The following TMTC2 variants were observed in gnomAD, a reference collection of about 807,000 sequenced individuals.
TMTC2 encodes protein O-mannosyl-transferase TMTC2.
Under a neutral mutation model 82.4 loss-of-function variants are expected in TMTC2, and 43 were observed. That is an observed-to-expected ratio of 0.52 (90% CI 0.41 to 0.67). The LOEUF is 0.67. Among genes scored for constraint, TMTC2 ranks in the 30% least tolerant of loss-of-function variants. The probability of loss-of-function intolerance (pLI) is 0.00; values close to 1 mark genes in which losing one functional copy is unlikely to be tolerated. For synonymous variants in TMTC2, 408 were observed against 381.9 expected (o/e 1.07, Z -0.80); for missense variants, 919 against 1,012.4 (o/e 0.91, Z 1.25).
chr12:82,706,341 AAGGAT>A (rs1873355629), intron 1 of TMTC2, among the ~76,000 whole-genome samples: 1 of 150,506 alleles, frequency 6.6e-6, no homozygotes, highest in Non-Finnish European at 1.5e-5. Context: ...AAAAAAAAAA[AAGGAT>A]GAGAGAGAGG....
At chr12:82,894,549 C>G (rs1488159800) in intron 2 of TMTC2, among the ~76,000 whole-genome samples, 1 of 152,156 alleles carries the variant, frequency 6.6e-6, no homozygotes, top group Admixed American at 6.5e-5. Context: ...TAAGACAATT[C>G]TATACAACGC....
intron 3 of TMTC2, among the ~76,000 whole-genome samples, chr12:82,911,120 G>T (rs965587323): frequency 3.3e-5 from 5 of 152,078 alleles, no homozygotes; most frequent in Admixed American, 6.5e-5. Flanking sequence ...GACCTTGTGA[G>T]CCACCCACCT....
intron 1 of TMTC2, among the ~76,000 whole-genome samples, chr12:82,720,417 A>T (rs1012637994): frequency 2.6e-5 from 4 of 152,174 alleles, no homozygotes; most frequent in Non-Finnish European, 4.4e-5. Context: ...ATAGCCAAAT[A>T]CAATTCCATT....
intron 2 of TMTC2, among the ~76,000 whole-genome samples, chr12:82,884,985 C>G (rs888284127): frequency 6.6e-6 from 1 of 152,106 alleles, no homozygotes; most frequent in Non-Finnish European, 1.5e-5. Flanking sequence ...CCTCAACCTC[C>G]CAGACTCACG....
chr12:82,909,144 T>G (rs1213185466), intron 3 of TMTC2, among the ~76,000 whole-genome samples: 1 of 152,176 alleles, frequency 6.6e-6, no homozygotes, highest in African/African-American at 2.4e-5. Context: ...TTAAATTTTT[T>G]TGTTGCTAGT....
intron 4 of TMTC2, among the ~76,000 whole-genome samples, chr12:82,955,923 A>T (rs1877588532): frequency 6.6e-6 from 1 of 151,268 alleles, no homozygotes; most frequent in South Asian, 2.1e-4. Context: ...GACTGGAAAT[A>T]TTTTTTTTTC....
chr12:82,735,410 A>G (rs1294807822), intron 1 of TMTC2, among the ~76,000 whole-genome samples: 1 of 150,772 alleles, frequency 6.6e-6, no homozygotes, highest in Non-Finnish European at 1.5e-5. Flanking sequence ...CAGTGGCGCG[A>G]TCTCGGCTCA....
chr12:83,082,155 G>C (rs1346062536), intron 11 of TMTC2, among the ~76,000 whole-genome samples: 2 of 152,202 alleles, frequency 1.3e-5, no homozygotes, highest in Non-Finnish European at 2.9e-5. Flanking sequence ...TGATGTTTAT[G>C]TAGTAGAAAC....
At chr12:82,764,010 G>C (rs1452137355) in intron 1 of TMTC2, among the ~76,000 whole-genome samples, 1 of 152,144 alleles carries the variant, frequency 6.6e-6, no homozygotes, top group Non-Finnish European at 1.5e-5. Context: ...ATATCATACT[G>C]TATTTATGTT....
At chr12:82,982,038 T>C (rs1878941189) in intron 7 of TMTC2, among the ~76,000 whole-genome samples, 1 of 151,684 alleles carries the variant, frequency 6.6e-6, no homozygotes, top group African/African-American at 2.4e-5. Flanking sequence ...TGAGTGAGTT[T>C]GTTAAGCTCT....
intron 7 of TMTC2, among the ~76,000 whole-genome samples, chr12:82,980,671 G>C (rs1413506184): frequency 6.6e-6 from 1 of 151,782 alleles, no homozygotes; most frequent in Non-Finnish European, 1.5e-5. Context: ...CCATGAGCTT[G>C]TCTGGCAGCT....
chr12:82,703,856 C>T (rs537323664), intron 1 of TMTC2, among the ~76,000 whole-genome samples: 3 of 152,262 alleles, frequency 2.0e-5, no homozygotes, highest in African/African-American at 7.2e-5. Flanking sequence ...TTTGAGGTGA[C>T]ATCAAGACAT....
At chr12:82,910,421 G>A (rs1310993589) in intron 3 of TMTC2, among the ~76,000 whole-genome samples, 1 of 152,292 alleles carries the variant, frequency 6.6e-6, no homozygotes, top group African/African-American at 2.4e-5. Flanking sequence ...TGCCTAGGGG[G>A]TGAATGTTTA....
chr12:82,845,243 AAAAAAAAAAATATATATAT>A (rs1870581734), intron 1 of TMTC2, among the ~76,000 whole-genome samples: 1 of 130,278 alleles, frequency 7.7e-6, no homozygotes, highest in African/African-American at 3.1e-5. Flanking sequence ...AAAAAAAAAA[AAAAAAAAAAATATATATAT>A]ATATATATAT....
intron 8 of TMTC2, among the ~76,000 whole-genome samples, chr12:83,023,096 A>G (rs534879578): frequency 6.6e-6 from 1 of 152,314 alleles, no homozygotes; most frequent in South Asian, 2.1e-4. Flanking sequence ...TGCTTTTCAT[A>G]TGTGTCAAAT....
At position 82,982,070 on chromosome 12, in the gene TMTC2, T is replaced by G. The variant is rs188184348; in HGVS notation, c.1949-3855T>G. On this transcript the variant is annotated intron_variant, in intron 7 of 11. Transcript: ENST00000321196. Reference sequence around the variant, plus strand: ...CTCTCTGAAGCATAGTCAGTTCATTTTGTAAAATGAGACTGATAATAACAG... The same window carrying G: ...CTCTCTGAAGCATAGTCAGTTCATTGTGTAAAATGAGACTGATAATAACAG... Among the ~76,000 whole-genome samples, 123 of 151,914 alleles carry G rather than the reference T, an allele frequency of 8.1e-4. 1 individual carries two copies. Among genetic ancestry groups the G allele is most frequent in the Middle Eastern group, 3.4e-3 (1 of 294 alleles).
chr12:82,818,317 T>A (rs1008353600), intron 1 of TMTC2, among the ~76,000 whole-genome samples: 2 of 152,104 alleles, frequency 1.3e-5, no homozygotes, highest in Non-Finnish European at 2.9e-5. Context: ...TATTTTCTTC[T>A]CAGTATAAGT....
intron 11 of TMTC2, among the ~76,000 whole-genome samples, chr12:83,124,969 G>A (rs949394721): frequency 6.6e-6 from 1 of 152,262 alleles, no homozygotes; most frequent in Admixed American, 6.5e-5. Flanking sequence ...GTAAAGAGAG[G>A]TAAAATATGA....
chr12:82,862,616 ACT>A (rs1420416656), intron 2 of TMTC2, among the ~76,000 whole-genome samples: 3 of 152,110 alleles, frequency 2.0e-5, no homozygotes, highest in African/African-American at 4.8e-5. Context: ...AAATTTTGTG[ACT>A]CTGTTTCAAT....
Sources: allele counts gnomAD v4.1 joint callset (sites outside exome capture counted in the v4.1 genomes callset), GRCh38; gene constraint gnomAD v4.1.1; transcripts MANE v1.5; gene names NCBI Gene and HGNC (gene_info 2026-07-23, HGNC 2026-07-21).